The following SGCZ variants were observed in gnomAD, a reference collection of about 807,000 sequenced individuals.
SGCZ encodes sarcoglycan zeta.
In SGCZ, 40 loss-of-function variants were observed where a neutral mutation model predicts 41.3. The observed-to-expected ratio is 0.97, with a 90% CI of 0.75 to 1.26. The LOEUF is 1.26. Among genes scored for constraint, SGCZ ranks in the 50% most tolerant of loss-of-function variants. The probability of loss-of-function intolerance (pLI) is 0.00; values close to 1 mark genes in which losing one functional copy is unlikely to be tolerated. For synonymous variants in SGCZ, 206 were observed against 137.5 expected (o/e 1.50, Z -3.49); for missense variants, 552 against 369.8 (o/e 1.49, Z -4.04).
chr8:14,285,400 G>C (rs1258418738), intron 3 of SGCZ, among the ~76,000 whole-genome samples: 5 of 151,994 alleles, frequency 3.3e-5, no homozygotes, highest in South Asian at 2.1e-4. Context: ...CTGTCTTTTT[G>C]ATACGCTCAG....
intron 1 of SGCZ, among the ~76,000 whole-genome samples, chr8:14,899,929 C>G (rs1342105847): frequency 6.6e-6 from 1 of 152,048 alleles, no homozygotes; most frequent in African/African-American, 2.4e-5. Flanking sequence ...AAGTGAGTAG[C>G]TGGTGACCTG....
intron 3 of SGCZ, among the ~76,000 whole-genome samples, chr8:14,257,964 A>G (rs1446283743): frequency 6.6e-6 from 1 of 152,152 alleles, no homozygotes; most frequent in Non-Finnish European, 1.5e-5. Flanking sequence ...TAAATGAACA[A>G]TTTGCTGCAG....
At chr8:14,525,998 T>C (rs913845577) in intron 2 of SGCZ, among the ~76,000 whole-genome samples, 2 of 151,944 alleles carry the variant, frequency 1.3e-5, no homozygotes, top group South Asian at 2.1e-4. Context: ...AAAGCAGTAG[T>C]AGTATTAGGT....
chr8:14,413,913 G>C lies in SGCZ; in HGVS notation c.235-89709C>G, dbSNP rs574423139. Among the ~76,000 whole-genome samples the C allele has an allele frequency of 1.4e-3, 206 of 152,018 alleles. 1 individual carries two copies. Among genetic ancestry groups the C allele is most frequent in the African/African-American group, 4.9e-3 (203 of 41,532 alleles). ...AGAACTCTGTAAGTTTACAATAAAAGGGTGTTAAATAAACTCATCATTTAC... is the reference window on the plus strand; with the variant it reads ...AGAACTCTGTAAGTTTACAATAAAACGGTGTTAAATAAACTCATCATTTAC... On this transcript the variant is annotated intron_variant, in intron 2 of 7. Transcript: ENST00000382080.
chr8:14,872,302 G>T (rs559020904), intron 1 of SGCZ, among the ~76,000 whole-genome samples: 4 of 151,982 alleles, frequency 2.6e-5, no homozygotes, highest in African/African-American at 9.6e-5. Flanking sequence ...ATATATCCCA[G>T]AACTTAAACT....
intron 2 of SGCZ, among the ~76,000 whole-genome samples, chr8:14,465,420 T>C (rs972235825): frequency 3.3e-5 from 5 of 151,738 alleles, no homozygotes; most frequent in Admixed American, 6.6e-5. Context: ...CACCTTTCAC[T>C]TTCAATCTAT....
intron 1 of SGCZ, among the ~76,000 whole-genome samples, chr8:14,619,424 T>C (rs1474540574): frequency 6.6e-6 from 1 of 151,494 alleles, no homozygotes; most frequent in African/African-American, 2.4e-5. Context: ...AACATAATGT[T>C]GGAAGTTCTG....
intron 1 of SGCZ, among the ~76,000 whole-genome samples, chr8:15,118,611 CTCT>C (rs1807360316): frequency 6.6e-6 from 1 of 152,074 alleles, no homozygotes; most frequent in Non-Finnish European, 1.5e-5. Flanking sequence ...TTCAAAGGGT[CTCT>C]TTTCAATAAT....
At chr8:15,042,598 G>T (rs1804146137) in intron 1 of SGCZ, among the ~76,000 whole-genome samples, 1 of 152,088 alleles carries the variant, frequency 6.6e-6, no homozygotes, top group Non-Finnish European at 1.5e-5. Context: ...CTTGATATGG[G>T]TTAATACATG....
At chr8:14,248,521 T>C (rs1310274500) in intron 3 of SGCZ, among the ~76,000 whole-genome samples, 1 of 152,132 alleles carries the variant, frequency 6.6e-6, no homozygotes, top group African/African-American at 2.4e-5. Context: ...TTGGTGGGAA[T>C]TGGTACTGTA....
intron 1 of SGCZ, among the ~76,000 whole-genome samples, chr8:14,822,221 A>G (rs1282468854): frequency 1.3e-5 from 2 of 152,176 alleles, no homozygotes; most frequent in African/African-American, 4.8e-5. Context: ...AGAAATCAAC[A>G]AAACAATTTC....
intron 1 of SGCZ, among the ~76,000 whole-genome samples, chr8:14,859,097 C>G (rs991178703): frequency 1.3e-5 from 2 of 152,164 alleles, no homozygotes; most frequent in Admixed American, 1.3e-4. Flanking sequence ...ACATCCCAAA[C>G]AATGCCAGAA....
At chr8:14,694,221 G>T (rs1808888710) in intron 1 of SGCZ, among the ~76,000 whole-genome samples, 1 of 152,092 alleles carries the variant, frequency 6.6e-6, no homozygotes, top group South Asian at 2.1e-4. Flanking sequence ...GGTCCCACTG[G>T]CAAGGCTATC....
At chr8:15,044,036 G>A (rs1804208900) in intron 1 of SGCZ, among the ~76,000 whole-genome samples, 1 of 152,034 alleles carries the variant, frequency 6.6e-6, no homozygotes, top group Admixed American at 6.6e-5. Context: ...ATATTGCCAT[G>A]CTTTCCTGCA....
chr8:14,533,187 C>A (rs888803230), intron 2 of SGCZ, among the ~76,000 whole-genome samples: 10 of 151,702 alleles, frequency 6.6e-5, no homozygotes, highest in Non-Finnish European at 1.2e-4. Context: ...GTCTTCCCCA[C>A]CCTGTATCCA....
chr8:14,623,344 T>C (rs1038003106), intron 1 of SGCZ, among the ~76,000 whole-genome samples: 1 of 152,178 alleles, frequency 6.6e-6, no homozygotes, highest in Admixed American at 6.5e-5. Context: ...AGTACTTGAA[T>C]ATTTTTGTAA....
At chr8:14,841,400 G>C (rs1802905983) in intron 1 of SGCZ, among the ~76,000 whole-genome samples, 1 of 152,042 alleles carries the variant, frequency 6.6e-6, no homozygotes, top group Non-Finnish European at 1.5e-5. Context: ...GGGAAATGTT[G>C]TAATGGGAGG....
At chr8:15,033,634 C>T (rs1441797571) in intron 1 of SGCZ, among the ~76,000 whole-genome samples, 1 of 152,142 alleles carries the variant, frequency 6.6e-6, no homozygotes. Flanking sequence ...GGACAGTTCC[C>T]ATGGCCTAAA....
rs541308330 is a variant in SGCZ at position 14,521,659 on chromosome 8, G to C, written c.234+33073C>G. Reference sequence around the variant, plus strand: ...TTCATTTACCAAGGATAAATGCCCAGATGTAGAATAACTGAGTCATGTGAT... The same window carrying C: ...TTCATTTACCAAGGATAAATGCCCACATGTAGAATAACTGAGTCATGTGAT... On this transcript the variant is annotated intron_variant, in intron 2 of 7. Transcript: ENST00000382080. Among the ~76,000 whole-genome samples the C allele has an allele frequency of 8.0e-4, 122 of 152,166 alleles. 1 individual carries two copies. In the South Asian group the frequency reaches 0.022, roughly 27 times the overall value.
Sources: allele counts gnomAD v4.1 joint callset (sites outside exome capture counted in the v4.1 genomes callset), GRCh38; gene constraint gnomAD v4.1.1; transcripts MANE v1.5; gene names NCBI Gene and HGNC (gene_info 2026-07-23, HGNC 2026-07-21).